CCNT2: variants seen among roughly 807,000 people sequenced by gnomAD.
The protein encoded by CCNT2 is cyclin-T2.
A neutral mutation model predicts 70.0 loss-of-function variants in CCNT2; 18 were observed. That is an observed-to-expected ratio of 0.26 (90% CI 0.18 to 0.38). CCNT2 has a LOEUF of 0.38. Ranked by LOEUF, CCNT2 falls within the 10% of genes least tolerant of loss-of-function variation. The pLI is 1.00. For missense variants in CCNT2, 734 were observed against 890.2 expected (o/e 0.82, Z 2.23); for synonymous variants, 334 against 313.3 (o/e 1.07, Z -0.70).
At chr2:134,946,016 T>C (rs780838978) in intron 5 of CCNT2, 85 bp from the exon 6 acceptor site, 63 of 1,608,870 alleles carry the variant, frequency 3.9e-5, no homozygotes, top group Non-Finnish European at 5.3e-5. Flanking sequence ...TACAAATCTT[T>C]GAAGTTTTTG....
At chr2:134,947,287 G>A (rs1047484551) in intron 6 of CCNT2, among the ~76,000 whole-genome samples, 6 of 152,168 alleles carry the variant, frequency 3.9e-5, no homozygotes, top group African/African-American at 1.4e-4. Context: ...AGCCACTTCA[G>A]TTGGGATAAT....
At chr2:134,927,933 A>G (rs1680416871) in intron 2 of CCNT2, among the ~76,000 whole-genome samples, 2 of 152,230 alleles carry the variant, frequency 1.3e-5, no homozygotes, top group Admixed American at 1.3e-4. Flanking sequence ...AAGGAAATAC[A>G]TGTAACGTGA....
At chr2:134,946,428 C>T in intron 6 of CCNT2, 1 of 1,185,064 alleles carries the variant, frequency 8.4e-7, no homozygotes, top group Non-Finnish European at 1.0e-6. Context: ...CTAAAGATTA[C>T]AAAGAGCTAA....
At chr2:134,944,710 T>G (rs1206672067) in intron 5 of CCNT2, 1 of 983,708 alleles carries the variant, frequency 1.0e-6, no homozygotes, top group African/African-American at 1.7e-5. Flanking sequence ...AACTAGAATA[T>G]ATCTCACTCC....
intron 2 of CCNT2, among the ~76,000 whole-genome samples, chr2:134,924,550 A>G (rs1680140719): frequency 6.6e-6 from 1 of 152,118 alleles, no homozygotes; most frequent in Admixed American, 6.5e-5. Flanking sequence ...CCTGAGTTCA[A>G]GTGAATCTCC....
At position 134,953,635 on chromosome 2, in the gene CCNT2, C is replaced by G. The variant is rs768467995; in HGVS notation, c.1180C>G (p.His394Asp). 1.9e-6 allele frequency: 3 copies of G among 1,614,136 alleles called. No individual in the cohort carries two copies. The South Asian group carries it at 3.3e-5, about 18-fold the overall frequency. ...TTCTATATCACTGCATTCAGGATTA[C>G]ATCACAGACCTGACAAAATTTCAGA... Reference protein sequence around the residue: ...GPSISLHSGLHHRPDKISDHS... With the variant: ...GPSISLHSGLDHRPDKISDHS... Residue 394 changes from histidine to aspartate, a missense_variant, in exon 9 of 9, where the codon CAT becomes GAT. This residue lies in a region of CCNT2 where 532 missense variants were observed against 556.9 expected (regional missense o/e 0.96). Transcript: ENST00000264157.
intron 7 of CCNT2, among the ~76,000 whole-genome samples, chr2:134,949,801 T>TCGG (rs1553525539): frequency 2.8e-4 from 2 of 7,222 alleles, no homozygotes; most frequent in Non-Finnish European, 5.8e-4. Flanking sequence ...AATTTTTTTT[T>TCGG]CGGGGGGGGG....
intron 8 of CCNT2, 186 bp from the exon 9 acceptor site, chr2:134,953,044 A>AT (rs1435504245): frequency 4.0e-6 from 2 of 504,944 alleles, no homozygotes; most frequent in East Asian, 6.2e-5. Flanking sequence ...GGTGTTTTCA[A>AT]TTTTTTATAG....
chr2:134,920,085 C>T, intron 2 of CCNT2, 194 bp downstream of exon 2: 1 of 491,610 alleles, frequency 2.0e-6, no homozygotes, highest in Non-Finnish European at 3.6e-6. Context: ...CTGCAAGGCA[C>T]TGTTAAGCTC....
At chr2:134,926,079 C>T (rs1353782062) in intron 2 of CCNT2, among the ~76,000 whole-genome samples, 3 of 151,760 alleles carry the variant, frequency 2.0e-5, no homozygotes, top group Non-Finnish European at 2.9e-5. Flanking sequence ...TTGCCCAGGC[C>T]GTTCTTAAAC....
intron 4 of CCNT2, among the ~76,000 whole-genome samples, chr2:134,939,400 C>A (rs1681398634): frequency 6.6e-6 from 1 of 152,070 alleles, no homozygotes; most frequent in African/African-American, 2.4e-5. Flanking sequence ...ACACAGCAAT[C>A]CTTATTCTCC....
chr2:134,922,652 G>C (rs1679995073), intron 2 of CCNT2, among the ~76,000 whole-genome samples: 1 of 152,114 alleles, frequency 6.6e-6, no homozygotes. Flanking sequence ...AATAAATTTA[G>C]TAAAGTGTAA....
At chr2:134,948,014 A>T (rs1426443262) in intron 7 of CCNT2, 115 bp downstream of exon 7, 1 of 551,048 alleles carries the variant, frequency 1.8e-6, no homozygotes, top group Non-Finnish European at 3.0e-6. Context: ...ACAACAATTC[A>T]TCAGCCTAAA....
intron 6 of CCNT2, chr2:134,946,497 A>G (rs1353306151): frequency 2.5e-6 from 2 of 789,450 alleles, no homozygotes; most frequent in Middle Eastern, 6.0e-4. Context: ...GTTTACAATT[A>G]TAGTTAAATG....
chr2:134,918,911 G>A lies in CCNT2; in HGVS notation c.57G>A (p.Glu19=), dbSNP rs528679108. The change falls in exon 1 of 9, where the codon GAG becomes GAA. Residue 19 remains glutamate (E), a synonymous_variant. Coordinates refer to ENST00000264157, the MANE Select transcript of CCNT2 (RefSeq NM_058241.3). Reference sequence around the variant, plus strand: ...GGTTCTTTACTCGGGAACAGCTGGAGAACACGCCGAGCCGCCGCTGCGGAG... The same window carrying A: ...GGTTCTTTACTCGGGAACAGCTGGAAAACACGCCGAGCCGCCGCTGCGGAG... ...SRWFFTREQL[E]NTPSRRCGVE... The A allele has an allele frequency of 2.2e-4, 351 of 1,614,080 alleles. 3 individuals are homozygous for A. In the South Asian group the frequency reaches 3.3e-3, roughly 15 times the overall value.
chr2:134,949,130 C>T (rs1013523121), intron 7 of CCNT2, among the ~76,000 whole-genome samples: 3 of 152,166 alleles, frequency 2.0e-5, no homozygotes, highest in Non-Finnish European at 1.5e-5. Flanking sequence ...AAGCGATTCT[C>T]CTGCCTCAGC....
rs1683080262 is a variant in CCNT2 at position 134,959,259 on chromosome 2, A to G, written c.*4611A>G. On this transcript the variant is annotated 3_prime_UTR_variant, in exon 9 of 9. Transcript: ENST00000264157. ...CTAATAGAAAATCTAAAACAGGAATATGTGTATATGGCATGAATTAGTCAT... is the reference window on the plus strand; with the variant it reads ...CTAATAGAAAATCTAAAACAGGAATGTGTGTATATGGCATGAATTAGTCAT... 1 of 152,196 alleles carries G rather than the reference A, an allele frequency of 6.6e-6. No individual in the cohort carries two copies. The highest frequency in any genetic ancestry group is 3.2e-3 in the Middle Eastern group (1 of 316). The allele number at this position is 152,196 out of a possible 1,614,324, so 9.4% of individuals were successfully genotyped here.
chr2:134,924,744 C>T (rs1360234930), intron 2 of CCNT2, among the ~76,000 whole-genome samples: 3 of 152,148 alleles, frequency 2.0e-5, no homozygotes, highest in Admixed American at 2.0e-4. Flanking sequence ...CCACCTCGCC[C>T]GGCCCCAGTA....
chr2:134,932,186 ATG>A (rs10576298), intron 2 of CCNT2, among the ~76,000 whole-genome samples: 52,744 of 151,538 alleles, frequency 0.35, 9,949 homozygotes, highest in Middle Eastern at 0.67. Context: ...GGGTTTCACC[ATG>A]TGTTAATCTT....
Sources: allele counts gnomAD v4.1 joint callset (sites outside exome capture counted in the v4.1 genomes callset), GRCh38; gene constraint gnomAD v4.1.1; regional missense constraint gnomAD v4.1.1; transcripts MANE v1.5; gene names NCBI Gene and HGNC (gene_info 2026-07-23, HGNC 2026-07-21).